The following AKAP13 variants were observed in gnomAD, a reference collection of about 807,000 sequenced individuals.
AKAP13 encodes the protein A-kinase anchor protein 13.
AKAP13 carries 80 observed loss-of-function variants against 264.5 expected under a neutral mutation model. That is an observed-to-expected ratio of 0.30 (90% CI 0.25 to 0.36). The LOEUF is 0.36. Ranked by LOEUF, AKAP13 falls within the 10% of genes least tolerant of loss-of-function variation. AKAP13 has a pLI of 1.00. For synonymous variants in AKAP13, 1,380 were observed against 1,250.2 expected (o/e 1.10, Z -2.19); for missense variants, 3,712 against 3,435.2 (o/e 1.08, Z -2.01).
At chr15:85,722,921 G>A in intron 25 of AKAP13, 151 bp from the exon 26 acceptor site, 1 of 995,502 alleles carries the variant, frequency 1.0e-6, no homozygotes. Context: ...ACAGCAAGAA[G>A]GATAGGCACA....
intron 33 of AKAP13, among the ~76,000 whole-genome samples, chr15:85,738,755 G>A (rs915080757): frequency 2.7e-5 from 4 of 150,414 alleles, no homozygotes; most frequent in African/African-American, 4.9e-5. Context: ...GGAGAATGGC[G>A]TGAACCCGGG....
At position 85,578,961 on chromosome 15, in the gene AKAP13, T is replaced by C. The variant is rs1215523727; in HGVS notation, c.893T>C (p.Met298Thr). 6.2e-7 allele frequency: 1 copy of C among 1,614,074 alleles called. No individual in the cohort carries two copies. The highest frequency in any genetic ancestry group is 2.2e-5 in the East Asian group (1 of 44,852). The stretch of plus-strand genomic sequence containing the variant: ...AACCTCAAGCAGATGGACAGTCTTA[T>C]GCCCTTAATGATGACAGCACAGGAT... ...KTNLKQMDSLMPLMMTAQDPS... is the reference protein window; with the variant it reads ...KTNLKQMDSLTPLMMTAQDPS... Residue 298 changes from methionine to threonine, a missense_variant, in exon 7 of 37, where the codon ATG (methionine) becomes ACG (threonine). By Grantham distance (81) the Met-to-Thr change is moderately conservative. Coordinates refer to ENST00000394518, the MANE Select transcript of AKAP13 (RefSeq NM_007200.5).
intron 5 of AKAP13, among the ~76,000 whole-genome samples, chr15:85,567,689 T>G (rs571712171): frequency 6.6e-5 from 10 of 152,242 alleles, no homozygotes; most frequent in Admixed American, 5.9e-4. Flanking sequence ...TGCTGTTGTT[T>G]GGAGATGTGT....
chr15:85,662,330 A>G (rs1444100386), intron 12 of AKAP13: 2 of 1,580,194 alleles, frequency 1.3e-6, no homozygotes, highest in Non-Finnish European at 1.7e-6. Context: ...TAATAACCCC[A>G]TTCCTGTTTC....
intron 16 of AKAP13, chr15:85,691,857 A>G (rs1434280174): frequency 4.1e-6 from 2 of 493,628 alleles, no homozygotes; most frequent in Non-Finnish European, 8.1e-6. Flanking sequence ...GGAGCTTCAC[A>G]AAAGAGGTCA....
At chr15:85,458,386 G>GTTTTTTTTTTTT (rs1160050565) in intron 1 of AKAP13, among the ~76,000 whole-genome samples, 18 of 103,882 alleles carry the variant, frequency 1.7e-4, no homozygotes, top group African/African-American at 8.7e-4. Context: ...TGTATTTTTT[G>GTTTTTTTTTTTT]TTTTTTGTTT....
At chr15:85,555,611 T>C (rs551427993) in intron 5 of AKAP13, 10 of 601,500 alleles carry the variant, frequency 1.7e-5, no homozygotes, top group Admixed American at 2.4e-5. Context: ...GAAGGACTTG[T>C]GTTGTTAGGA....
chr15:85,582,916 A>G, intron 7 of AKAP13: 1 of 985,478 alleles, frequency 1.0e-6, no homozygotes, highest in Non-Finnish European at 1.2e-6. Context: ...TTGCTCACAC[A>G]GCAGCCTGTT....
At chr15:85,578,547 A>G (rs1017416412) in intron 6 of AKAP13, among the ~76,000 whole-genome samples, 1 of 151,886 alleles carries the variant, frequency 6.6e-6, no homozygotes, top group Non-Finnish European at 1.5e-5. Flanking sequence ...GGGTTTCTCC[A>G]TGTTGAGGCT....
chr15:85,544,175 T>G (rs1471832569), intron 5 of AKAP13: 5 of 679,888 alleles, frequency 7.4e-6, no homozygotes, highest in Non-Finnish European at 1.3e-5. Flanking sequence ...CTCTCTCGTC[T>G]GCCTGCCTGC....
chr15:85,617,294 A>C (rs963995592), intron 8 of AKAP13, among the ~76,000 whole-genome samples: 1 of 152,192 alleles, frequency 6.6e-6, no homozygotes, highest in Non-Finnish European at 1.5e-5. Flanking sequence ...GCCAGGCTCG[A>C]GTGCAGTGGC....
At chr15:85,575,005 A>G (rs2078958866) in intron 5 of AKAP13, 126 bp from the exon 6 acceptor site, 2 of 763,806 alleles carry the variant, frequency 2.6e-6, no homozygotes, top group Non-Finnish European at 4.3e-6. Flanking sequence ...GGAGGTATAT[A>G]TACTAATTTT....
chr15:85,603,021 C>T (rs551849047), intron 8 of AKAP13, among the ~76,000 whole-genome samples: 4 of 152,198 alleles, frequency 2.6e-5, no homozygotes, highest in Non-Finnish European at 5.9e-5. Context: ...CCAGAATTTT[C>T]ATTTTCATTT....
At chr15:85,392,251 A>ATTTTTTTTTTTTTTTTTTTTTTTTTTTT in intron 1 of AKAP13, among the ~76,000 whole-genome samples, 1 of 106,330 alleles carries the variant, frequency 9.4e-6, no homozygotes, top group Non-Finnish European at 1.9e-5. Context: ...GCCCTTAATA[A>ATTTTTTTTTTTTTTTTTTTTTTTTTTTT]TTTTTTTTTT....
intron 4 of AKAP13, among the ~76,000 whole-genome samples, chr15:85,543,106 T>C (rs2077624153): frequency 6.6e-6 from 1 of 152,248 alleles, no homozygotes; most frequent in African/African-American, 2.4e-5. Context: ...TTTTCCTTTC[T>C]GCAGTTATTA....
rs907419265 is a variant in AKAP13 at position 85,620,158 on chromosome 15, G to T, written c.4162-19216G>T. 6 of 1,535,940 alleles carry T rather than the reference G, an allele frequency of 3.9e-6. No homozygotes were observed. In the African/African-American group the frequency reaches 5.5e-5, roughly 14 times the overall value. ...CTCCAAGGTGGACAGGACTGTGGAC[G>T]TGGTATTGCTGAAGGTAAGGGGGGC... On this transcript the variant is annotated intron_variant, in intron 8 of 36. Transcript: ENST00000394518.
chr15:85,717,854 T>G (rs182768681), intron 21 of AKAP13, among the ~76,000 whole-genome samples, 153 bp from the exon 22 acceptor site: 1 of 152,338 alleles, frequency 6.6e-6, no homozygotes, highest in African/African-American at 2.4e-5. Flanking sequence ...AACAGGATAT[T>G]GATTTTTTTC....
chr15:85,384,314 A>G (rs2070440766), intron 1 of AKAP13, among the ~76,000 whole-genome samples: 1 of 152,218 alleles, frequency 6.6e-6, no homozygotes, highest in Non-Finnish European at 1.5e-5. Context: ...CTTGGTTATT[A>G]CTGATGGGGA....
intron 8 of AKAP13, among the ~76,000 whole-genome samples, chr15:85,604,716 G>C (rs1290866348): frequency 1.3e-5 from 2 of 151,950 alleles, no homozygotes; most frequent in African/African-American, 4.8e-5. Flanking sequence ...CACCCACCTC[G>C]GCCTCCCAAA....
Sources: gnomAD v4.1 joint callset for allele counts (sites outside exome capture counted in the v4.1 genomes callset) on GRCh38, gnomAD v4.1.1 for gene constraint, MANE v1.5 for transcripts, NCBI Gene and HGNC (gene_info 2026-07-23, HGNC 2026-07-21) for gene names.